DHRS13: variants seen among roughly 807,000 people sequenced by gnomAD.
DHRS13 encodes dehydrogenase/reductase 13, also known as dehydrogenase/reductase SDR family member 13.
Under a neutral mutation model 17.9 loss-of-function variants are expected in DHRS13, and 22 were observed. That is an observed-to-expected ratio of 1.23 (90% CI 0.88 to 1.75). The LOEUF is 1.75. Among genes scored for constraint, DHRS13 ranks in the 40% most tolerant of loss-of-function variants. The pLI, the probability that DHRS13 is intolerant of heterozygous loss-of-function variation, is 0.00. For synonymous variants in DHRS13, 206 were observed against 220.4 expected (o/e 0.93, Z 0.58); for missense variants, 483 against 519.9 (o/e 0.93, Z 0.69).
At position 28,902,643 on chromosome 17, in the gene DHRS13, G is replaced by A; in HGVS notation, c.186C>T (p.Arg62=). 1.4e-6 allele frequency: 2 copies of A among 1,446,564 alleles called. No individual in the cohort carries two copies. Among genetic ancestry groups the A allele is most frequent in the South Asian group, 1.4e-5 (1 of 74,020 alleles). The allele number at this position is 1,446,564 out of a possible 1,614,324, so 89.6% of individuals were successfully genotyped here. Reference sequence around the variant, plus strand: ...CCTGGCTGCGGCAGGCCAGCACCACGCGCGCTCCCCGGCGCGCCAGCTCCA... The same window carrying A: ...CCTGGCTGCGGCAGGCCAGCACCACACGCGCTCCCCGGCGCGCCAGCTCCA... The part of the protein sequence containing the change: ...TALELARRGA[R]VVLACRSQER... Residue 62 remains arginine, a synonymous_variant, in exon 2 of 5, where the codon CGC becomes CGT. Coordinates refer to ENST00000378895, the MANE Select transcript of DHRS13 (RefSeq NM_144683.4). This position sits in a 1 kb window ranked among gnomAD's most constrained non-coding sequence, Gnocchi z 4.0.
Position 28,901,619 on chromosome 17 carries a change from G to A in DHRS13, c.247-3C>T, listed in dbSNP as rs765905950. 7 of 1,614,018 alleles carry A rather than the reference G, an allele frequency of 4.3e-6. No individual in the cohort carries two copies. In the African/African-American group the frequency reaches 8.0e-5, roughly 18 times the overall value. ...ATGACCTCATTGTTCCCACTCTCCT[G>A]TGGAGAGGCAAGGGCTGGGCTTGTC... On this transcript the variant is annotated splice_region_variant and splice_polypyrimidine_tract_variant and intron_variant, in intron 2 of 4. Transcript: ENST00000378895. This position sits in a 1 kb window ranked among gnomAD's most constrained non-coding sequence, Gnocchi z 4.3.
rs1013064486 is a variant in DHRS13, at chr17:28,902,503, C to T, written c.246+80G>A. The T allele has an allele frequency of 2.5e-5, 33 of 1,326,494 alleles. No homozygotes were observed. Among genetic ancestry groups the T allele is most frequent in the Non-Finnish European group, 3.1e-5 (32 of 1,023,194 alleles). The allele number at this position is 1,326,494 out of a possible 1,614,324, so 82.2% of individuals were successfully genotyped here. On this transcript the variant is annotated intron_variant, in intron 2 of 4. Coordinates refer to ENST00000378895, the MANE Select transcript of DHRS13 (RefSeq NM_144683.4). The surrounding 1 kb of genome is among the most constrained non-coding windows in gnomAD (Gnocchi z 4.0). ...GCGCTCTCCTCCCTGGACCCGGATC[C>T]TCCGCAGCCCCTTTGCTGGCTTCTC...
chr17:28,900,540 T>A (rs530684476), intron 4 of DHRS13, among the ~76,000 whole-genome samples: 18 of 152,292 alleles, frequency 1.2e-4, no homozygotes, highest in African/African-American at 4.3e-4. Flanking sequence ...ATTGGCTGTC[T>A]CCCTCTCCTC....
Position 28,899,056 on chromosome 17 carries a change from C to A in DHRS13, c.683-164G>T, listed in dbSNP as rs151247842. On this transcript the variant is annotated intron_variant, in intron 4 of 4. Coordinates refer to ENST00000378895, the MANE Select transcript of DHRS13 (RefSeq NM_144683.4). The surrounding 1 kb of genome is among the most constrained non-coding windows in gnomAD (Gnocchi z 4.7). The stretch of plus-strand genomic sequence containing the variant: ...GTCTCTTTAAAAAAAAAAACAACAA[C>A]AAAAAAAATAGAACAGAGCTAGAAG... 748 of 605,646 alleles carry A rather than the reference C, an allele frequency of 1.2e-3. No individual in the cohort carries two copies. The highest frequency in any genetic ancestry group is 1.6e-3 in the Non-Finnish European group (589 of 367,108). The allele number at this position is 605,646 out of a possible 1,614,324, so 37.5% of individuals were successfully genotyped here.
Position 28,898,505 on chromosome 17 carries a change from G to A in DHRS13, c.1070C>T (p.Pro357Leu). 2 of 1,603,290 alleles carry A rather than the reference G, an allele frequency of 1.2e-6. No homozygotes were observed. The highest frequency in any genetic ancestry group is 1.7e-6 in the Non-Finnish European group (2 of 1,174,550). The change falls in exon 5 of 5, where the codon CCA becomes CTA. Residue 357 changes from proline (P) to leucine (L), a missense_variant. By Grantham distance (98) the Pro-to-Leu change is moderately conservative (BLOSUM62 -3). Transcript: ENST00000378895. ...TCGGTGCGTCATCTTAGACAAATCT[G>A]GTGAGCTCTGAGGGCTGGGGTAAGG... ...SQPYPSPQSS[P>L]DLSKMTHRIQ...
In DHRS13 at chr17:28,903,006, C is replaced by T; in HGVS notation, c.-62G>A. ...ACCGCCCTGGATCGCCGCCAGGCGG[C>T]TGCCGATCCGCCCTGCACAGGCCTG... On this transcript the variant is annotated 5_prime_UTR_variant, in exon 1 of 5. Transcript: ENST00000378895. The surrounding 1 kb of genome is among the most constrained non-coding windows in gnomAD (Gnocchi z 4.8). 1 of 1,339,962 alleles carries T rather than the reference C, an allele frequency of 7.5e-7. No homozygotes were observed. Among genetic ancestry groups the T allele is most frequent in the Non-Finnish European group, 9.5e-7 (1 of 1,049,464 alleles). The allele number at this position is 1,339,962 out of a possible 1,614,324, so 83.0% of individuals were successfully genotyped here.
At position 28,898,671 on chromosome 17, in the gene DHRS13, G is replaced by C. The variant is rs780977527; in HGVS notation, c.904C>G (p.Arg302Gly). Residue 302 changes from arginine to glycine, a missense_variant, in exon 5 of 5, where the codon CGG (arginine) becomes GGG (glycine). By Grantham distance (125) the Arg-to-Gly change is moderately radical. Coordinates refer to ENST00000378895, the MANE Select transcript of DHRS13 (RefSeq NM_144683.4). ...PAARDDRAAH[R>G]LWEASKRLAG... ...AGCCTCTTGCTGGCCTCCCATAGCC[G>C]ATGGGCTGCCCGGTCGTCTCGGGCA... 1 of 1,613,546 alleles carries C rather than the reference G, an allele frequency of 6.2e-7. No homozygotes were observed. Among genetic ancestry groups the C allele is most frequent in the African/African-American group, 1.3e-5 (1 of 74,930 alleles).
In DHRS13 at chr17:28,898,794, C is replaced by G; in HGVS notation, c.781G>C (p.Gly261Arg). The G allele has an allele frequency of 6.2e-7, 1 of 1,611,768 alleles. No individual in the cohort carries two copies. The highest frequency in any genetic ancestry group is 8.5e-7 in the Non-Finnish European group (1 of 1,179,154). ...GCACAATACAGGGGTGTCTGGGCAC[C>G]CCCTCTTGGTGCCCGGAGCACCAGC... ...AWLVLRAPRG[G>R]AQTPLYCALQ... The change falls in exon 5 of 5, where the codon GGT (glycine) becomes CGT (arginine). Residue 261 changes from glycine to arginine, a missense_variant. Coordinates refer to ENST00000378895, the MANE Select transcript of DHRS13 (RefSeq NM_144683.4).
chr17:28,902,185 C>G lies in DHRS13; in HGVS notation c.246+398G>C, dbSNP rs958348557. 1.2e-5 allele frequency: 2 copies of G among 172,044 alleles called. No individual in the cohort carries two copies. Among genetic ancestry groups the G allele is most frequent in the Non-Finnish European group, 2.5e-5 (2 of 81,220 alleles). 10.7% of individuals were successfully genotyped at this position (172,044 alleles called of 1,614,324 possible). A position where few individuals can be genotyped will look rare whatever the true frequency, so the allele number is the denominator to read the frequency against. ...TTCTCAATAGGCTCTAGAATGTTCT[C>G]CAGCCCCCTCATTTGCCCATCTTCC... On this transcript the variant is annotated intron_variant, in intron 2 of 4. Coordinates refer to ENST00000378895, the MANE Select transcript of DHRS13 (RefSeq NM_144683.4). The surrounding 1 kb of genome is among the most constrained non-coding windows in gnomAD (Gnocchi z 4.0).
At position 28,902,880 on chromosome 17, in the gene DHRS13, A is replaced by T. The variant is rs752247226; in HGVS notation, c.65T>A (p.Leu22Gln). Residue 22 changes from leucine (L) to glutamine (Q), a missense_variant, in exon 1 of 5, where the codon CTG (leucine) becomes CAG (glutamine). Transcript: ENST00000378895. This position sits in a 1 kb window ranked among gnomAD's most constrained non-coding sequence, Gnocchi z 4.0. Reference protein sequence around the residue: ...LGAYVLVYYNLVKAPPCGGMG... With the variant: ...LGAYVLVYYNQVKAPPCGGMG... ...GCCGCCGCACGGCGGGGCCTTCACC[A>T]GGTTGTAGTAGACAAGCACGTAAGC... 6.4e-7 allele frequency: 1 copy of T among 1,555,300 alleles called. No individual in the cohort carries two copies. The highest frequency in any genetic ancestry group is 8.6e-7 in the Non-Finnish European group (1 of 1,158,960).
In DHRS13 at chr17:28,901,780, T is replaced by C; in HGVS notation, c.247-164A>G. ...GTGGATTCAAATCCTGACTTTGCCT[T>C]TTACTAAAGTGTGACCTTGGGCAAG... On this transcript the variant is annotated intron_variant, in intron 2 of 4. Transcript: ENST00000378895. This position sits in a 1 kb window ranked among gnomAD's most constrained non-coding sequence, Gnocchi z 4.3. The C allele has an allele frequency of 1.6e-6, 2 of 1,229,938 alleles. No individual in the cohort carries two copies. Among genetic ancestry groups the C allele is most frequent in the Non-Finnish European group, 2.2e-6 (2 of 913,662 alleles). 76.2% of individuals were successfully genotyped at this position (1,229,938 alleles called of 1,614,324 possible).
Position 28,898,513 on chromosome 17 carries a change from C to T in DHRS13, c.1062G>A (p.Gln354=), listed in dbSNP as rs2039778700. Residue 354 remains glutamine, a synonymous_variant, in exon 5 of 5, where the codon CAG becomes CAA. Coordinates refer to ENST00000378895, the MANE Select transcript of DHRS13 (RefSeq NM_144683.4). Reference sequence around the variant, plus strand: ...TCATCTTAGACAAATCTGGTGAGCTCTGAGGGCTGGGGTAAGGTTGAGAAA... The same window carrying T: ...TCATCTTAGACAAATCTGGTGAGCTTTGAGGGCTGGGGTAAGGTTGAGAAA... ...PTVSQPYPSP[Q]SSPDLSKMTH... 1 of 1,607,140 alleles carries T rather than the reference C, an allele frequency of 6.2e-7. No homozygotes were observed.
Position 28,901,133 on chromosome 17 carries a change from A to C in DHRS13, c.539T>G (p.Phe180Cys). The C allele has an allele frequency of 6.2e-7, 1 of 1,614,166 alleles. No homozygotes were observed. Among genetic ancestry groups the C allele is most frequent in the Non-Finnish European group, 8.5e-7 (1 of 1,180,020 alleles). ...CACCACTGGGCGGTCCAGGCGTTTG[A>C]AGTCAAGACGTCCCCGACAGTGGGC... is the stretch of plus-strand genomic sequence containing the variant. The part of the protein sequence containing the change: ...SAAHCRGRLD[F>C]KRLDRPVVGW... The change falls in exon 4 of 5, where the codon TTC becomes TGC. Residue 180 changes from phenylalanine (F) to cysteine (C), a missense_variant. Physicochemically the swap from Phe to Cys is radical, Grantham distance 205. Coordinates refer to ENST00000378895, the MANE Select transcript of DHRS13 (RefSeq NM_144683.4). The surrounding 1 kb of genome is among the most constrained non-coding windows in gnomAD (Gnocchi z 4.3).
rs2039819780 is a variant in DHRS13, at chr17:28,902,937, G to T, written c.8C>A (p.Ala3Glu). The change falls in exon 1 of 5, where the codon GCG (alanine) becomes GAG (glutamate). Residue 3 changes from alanine (A) to glutamate (E), a missense_variant. Transcript: ENST00000378895. The surrounding 1 kb of genome is among the most constrained non-coding windows in gnomAD (Gnocchi z 4.0). MEALLLGAGLLLG... is the reference protein window; with the variant it reads MEELLLGAGLLLG... The stretch of plus-strand genomic sequence containing the variant: ...CAGCAACCCCGCGCCCAGCAGCAGC[G>T]CCTCCATGCCGGCCGCGCCTCCCGG... The T allele has an allele frequency of 1.3e-6, 2 of 1,538,478 alleles. No individual in the cohort carries two copies. Among genetic ancestry groups the T allele is most frequent in the Non-Finnish European group, 1.7e-6 (2 of 1,150,224 alleles).
In DHRS13 at chr17:28,902,035, CCCA is replaced by C. The variant is rs2039810080; in HGVS notation, c.247-422_247-420del. 1 of 178,890 alleles carries C rather than the reference CCCA, an allele frequency of 5.6e-6. No individual in the cohort carries two copies. Among genetic ancestry groups the C allele is most frequent in the Admixed American group, 5.8e-5 (1 of 17,332 alleles). 11.1% of individuals were successfully genotyped at this position (178,890 alleles called of 1,614,324 possible). The stretch of plus-strand genomic sequence containing the variant: ...GTCTCCTCTCTCCCGCTCTTGCCCC[CCCA>C]CTCCAGGCACCACGCAGCCACAAAG... On this transcript the variant is annotated intron_variant, in intron 2 of 4. Transcript: ENST00000378895. This position sits in a 1 kb window ranked among gnomAD's most constrained non-coding sequence, Gnocchi z 4.0.
In DHRS13 at chr17:28,903,079, G is replaced by T; in HGVS notation, c.-135C>A. 1 of 786,426 alleles carries T rather than the reference G, an allele frequency of 1.3e-6. No individual in the cohort carries two copies. The highest frequency in any genetic ancestry group is 5.4e-5 in the South Asian group (1 of 18,420). The allele number at this position is 786,426 out of a possible 1,614,324, so 48.7% of individuals were successfully genotyped here. A position where few individuals can be genotyped will look rare whatever the true frequency, so the allele number is the denominator to read the frequency against. On this transcript the variant is annotated 5_prime_UTR_variant, in exon 1 of 5. Transcript: ENST00000378895. This position sits in a 1 kb window ranked among gnomAD's most constrained non-coding sequence, Gnocchi z 4.8. The stretch of plus-strand genomic sequence containing the variant: ...CCTCCGAAGGCGGAGGCGGGCAGGA[G>T]GCTGGGCAGGGGCGTGTGCGCGTGC...
rs981782724 is a variant in DHRS13 at position 28,901,858 on chromosome 17, TAAC to T, written c.247-245_247-243del. The T allele has an allele frequency of 4.5e-5, 25 of 549,800 alleles. No individual in the cohort carries two copies. The highest frequency in any genetic ancestry group is 9.8e-4 in the Middle Eastern group (2 of 2,048). 34.1% of individuals were successfully genotyped at this position (549,800 alleles called of 1,614,324 possible). ...TCTCACTGCGTAAAGGGAATAATAA[TAAC>T]AACAGTCCCAATCTCACTGAGCTTT... On this transcript the variant is annotated intron_variant, in intron 2 of 4. Coordinates refer to ENST00000378895, the MANE Select transcript of DHRS13 (RefSeq NM_144683.4). This position sits in a 1 kb window ranked among gnomAD's most constrained non-coding sequence, Gnocchi z 4.3.
Position 28,901,678 on chromosome 17 carries a change from G to T in DHRS13, c.247-62C>A. ...TCTCTCTCCTCTTCCCTCTCCCCAGGCACCAAATTCTGAGAGTCCATCTCC... is the reference window on the plus strand; with the variant it reads ...TCTCTCTCCTCTTCCCTCTCCCCAGTCACCAAATTCTGAGAGTCCATCTCC... On this transcript the variant is annotated intron_variant, in intron 2 of 4. Transcript: ENST00000378895. The surrounding 1 kb of genome is among the most constrained non-coding windows in gnomAD (Gnocchi z 4.3). The T allele has an allele frequency of 6.3e-7, 1 of 1,599,268 alleles. No individual in the cohort carries two copies. The highest frequency in any genetic ancestry group is 2.2e-5 in the East Asian group (1 of 44,608).
chr17:28,900,898 G>T lies in DHRS13; in HGVS notation c.682+92C>A, dbSNP rs973115120. On this transcript the variant is annotated intron_variant, in intron 4 of 4. Coordinates refer to ENST00000378895, the MANE Select transcript of DHRS13 (RefSeq NM_144683.4). ...CCTGAGATTCTGTGACTCAATGAGG[G>T]ATGGAGGGTGGGGAGGCGGTAGTGG... 9.0e-6 allele frequency: 12 copies of T among 1,334,890 alleles called. No homozygotes were observed. The East Asian group carries it at 2.2e-4, about 24-fold the overall frequency. The allele number at this position is 1,334,890 out of a possible 1,614,324, so 82.7% of individuals were successfully genotyped here.
Sources: allele counts gnomAD v4.1 joint callset (sites outside exome capture counted in the v4.1 genomes callset), GRCh38; gene constraint gnomAD v4.1.1; non-coding constraint Gnocchi (gnomAD v3.1); transcripts MANE v1.5; gene names NCBI Gene and HGNC (gene_info 2026-07-23, HGNC 2026-07-21).